Variants in MDGA2 observed in about 807,000 individuals in gnomAD.
MDGA2 encodes MAM domain containing glycosylphosphatidylinositol anchor 2.
MDGA2 carries 40 observed loss-of-function variants against 117.8 expected under a neutral mutation model. The ratio of observed to expected loss-of-function variants is 0.34; its 90% CI spans 0.26 to 0.44. The LOEUF (loss-of-function observed/expected upper bound fraction) is 0.44, where lower values mean the gene tolerates loss of function less well. Ranked by LOEUF, MDGA2 falls within the 20% of genes least tolerant of loss-of-function variation. The pLI is 1.00. For synonymous variants in MDGA2, 452 were observed against 439.0 expected (o/e 1.03, Z -0.37); for missense variants, 1,123 against 1,250.6 (o/e 0.90, Z 1.54).
At chr14:47,356,914 T>A (rs1343388045) in intron 1 of MDGA2, among the ~76,000 whole-genome samples, 1 of 152,148 alleles carries the variant, frequency 6.6e-6, no homozygotes, top group Non-Finnish European at 1.5e-5. Flanking sequence ...TGGTAAGAGA[T>A]AAACAACCCC....
In MDGA2 at chr14:47,128,309, A is replaced by G. The variant is rs535507836; in HGVS notation, c.925+3405T>C. ...AAATAAACTGAGATAAAAACACTAA[A>G]GATTTTAAAAATTAATAAGGCACTG... is the stretch of plus-strand genomic sequence containing the variant. On this transcript the variant is annotated intron_variant, in intron 5 of 16. Transcript: ENST00000399232. Among the ~76,000 whole-genome samples the G allele has an allele frequency of 2.6e-3, 393 of 152,230 alleles. 2 individuals carry two copies. The highest frequency in any genetic ancestry group is 0.02 in the South Asian group (96 of 4,820).
At chr14:47,604,085 TG>T (rs1174316838) in intron 1 of MDGA2, among the ~76,000 whole-genome samples, 4 of 152,148 alleles carry the variant, frequency 2.6e-5, no homozygotes, top group Non-Finnish European at 5.9e-5. Context: ...ATAAATTACC[TG>T]GTCACAGGTA....
chr14:47,114,955 CAAAA>C (rs35950492), intron 5 of MDGA2, among the ~76,000 whole-genome samples: 24,060 of 127,252 alleles, frequency 0.19, 2,404 homozygotes, highest in African/African-American at 0.31. Context: ...TCTGCACAGC[CAAAA>C]AAAAAAAAAA....
At chr14:47,514,605 C>T (rs1237612155) in intron 1 of MDGA2, among the ~76,000 whole-genome samples, 2 of 152,052 alleles carry the variant, frequency 1.3e-5, no homozygotes, top group African/African-American at 4.8e-5. Flanking sequence ...ATATCTCATG[C>T]CTTGCAGTCC....
At chr14:47,079,419 T>C (rs1890617465) in intron 6 of MDGA2, among the ~76,000 whole-genome samples, 1 of 152,190 alleles carries the variant, frequency 6.6e-6, no homozygotes, top group Non-Finnish European at 1.5e-5. Context: ...TGGAATTATA[T>C]TTTTGTTAAG....
intron 9 of MDGA2, among the ~76,000 whole-genome samples, chr14:46,947,209 C>CT (rs2138598582): frequency 6.6e-6 from 1 of 152,042 alleles, no homozygotes; most frequent in South Asian, 2.1e-4. Flanking sequence ...ATGCAAAATT[C>CT]TTTTTCAATT....
intron 1 of MDGA2, among the ~76,000 whole-genome samples, chr14:47,424,287 A>T (rs1227379172): frequency 6.6e-6 from 1 of 151,888 alleles, no homozygotes; most frequent in African/African-American, 2.4e-5. Context: ...AGCTGGTGTG[A>T]TGGTTTGTGC....
chr14:47,284,158 A>G (rs1888592336), intron 2 of MDGA2, among the ~76,000 whole-genome samples: 1 of 152,214 alleles, frequency 6.6e-6, no homozygotes, highest in Non-Finnish European at 1.5e-5. Context: ...AAATATAAGA[A>G]GAAGCACCCA....
intron 2 of MDGA2, among the ~76,000 whole-genome samples, chr14:47,222,931 C>T (rs910814797): frequency 3.3e-5 from 5 of 152,148 alleles, no homozygotes; most frequent in Admixed American, 1.3e-4. Context: ...TCTGTTTTCA[C>T]GCTGCCTGTA....
intron 3 of MDGA2, among the ~76,000 whole-genome samples, chr14:47,167,817 C>G (rs751945741): frequency 6.6e-6 from 1 of 152,130 alleles, no homozygotes; most frequent in South Asian, 2.1e-4. Context: ...CATTTATAGT[C>G]TCAATCAGGT....
chr14:46,940,520 C>T (rs1266555959), intron 9 of MDGA2, among the ~76,000 whole-genome samples: 1 of 150,988 alleles, frequency 6.6e-6, no homozygotes, highest in Non-Finnish European at 1.5e-5. Flanking sequence ...CCCAGCTACT[C>T]AGGAGGTTGA....
At chr14:47,479,220 A>C (rs1216712174) in intron 1 of MDGA2, among the ~76,000 whole-genome samples, 1 of 152,140 alleles carries the variant, frequency 6.6e-6, no homozygotes, top group Non-Finnish European at 1.5e-5. Context: ...ATAACTGCTT[A>C]ATTTTTGAAT....
chr14:46,863,768 G>A (rs897302969), intron 14 of MDGA2, among the ~76,000 whole-genome samples: 8 of 151,634 alleles, frequency 5.3e-5, no homozygotes, highest in Non-Finnish European at 1.2e-4. Flanking sequence ...CATCATCAAT[G>A]AAGAATAGAA....
intron 9 of MDGA2, among the ~76,000 whole-genome samples, chr14:46,950,864 T>G (rs1453539677): frequency 6.7e-6 from 1 of 149,416 alleles, no homozygotes; most frequent in Non-Finnish European, 1.5e-5. Context: ...CTGGTCACTG[T>G]TAATTCAGTC....
At position 47,218,389 on chromosome 14, in the gene MDGA2, G is replaced by T. The variant is rs1490378348; in HGVS notation, c.421-194C>A. ...TTTAATGTAATGTCATCATTGTACA[G>T]TGTGTGTAATTTGAATTCAATTGCA... On this transcript the variant is annotated intron_variant, in intron 2 of 16. Transcript: ENST00000399232. 5.3e-5 allele frequency among the ~76,000 whole-genome samples: 8 copies of T among 152,152 alleles called. No homozygotes were observed. In the East Asian group the frequency reaches 1.5e-3, roughly 29 times the overall value.
At chr14:47,328,887 C>T (rs1468974461) in intron 1 of MDGA2, among the ~76,000 whole-genome samples, 1 of 152,018 alleles carries the variant, frequency 6.6e-6, no homozygotes, top group Non-Finnish European at 1.5e-5. Flanking sequence ...GGCACTGCAT[C>T]CCCAAATAAA....
intron 9 of MDGA2, among the ~76,000 whole-genome samples, chr14:46,947,818 T>C (rs1314293570): frequency 6.6e-6 from 1 of 151,688 alleles, no homozygotes; most frequent in Non-Finnish European, 1.5e-5. Context: ...AATACAGTCG[T>C]CCTTTTTACT....
At chr14:47,370,468 G>GTCTTTTTTTTTTTTTTT (rs1891322901) in intron 1 of MDGA2, among the ~76,000 whole-genome samples, 2 of 20,684 alleles carry the variant, frequency 9.7e-5, no homozygotes, top group East Asian at 2.5e-3. Flanking sequence ...TCTACTTACT[G>GTCTTTTTTTTTTTTTTT]TTTTTTTTTT....
intron 1 of MDGA2, among the ~76,000 whole-genome samples, chr14:47,427,196 TA>T (rs1384609493): frequency 6.6e-6 from 1 of 152,156 alleles, no homozygotes; most frequent in African/African-American, 2.4e-5. Flanking sequence ...TTTAGTGTTT[TA>T]AAAATGGCTT....
Sources: gnomAD v4.1 joint callset for allele counts (sites outside exome capture counted in the v4.1 genomes callset) on GRCh38, gnomAD v4.1.1 for gene constraint, MANE v1.5 for transcripts, NCBI Gene and HGNC (gene_info 2026-07-23, HGNC 2026-07-21) for gene names.